Variants in PXDNL observed in about 807,000 individuals in gnomAD.
PXDNL encodes peroxidasin like.
A neutral mutation model predicts 150.8 loss-of-function variants in PXDNL; 145 were observed. The observed-to-expected ratio is 0.96, with a 90% CI of 0.84 to 1.10. PXDNL has a LOEUF of 1.10. Among genes scored for constraint, PXDNL ranks in the 50% least tolerant of loss-of-function variants. The pLI is 0.00. For synonymous variants in PXDNL, 757 were observed against 725.7 expected, an observed-to-expected ratio of 1.04 and a Z score of -0.69; for missense variants, 2,087 against 1,873.9, an observed-to-expected ratio of 1.11 and a Z score of -2.10.
intron 19 of PXDNL, among the ~76,000 whole-genome samples, chr8:51,357,522 C>T (rs1358934847): frequency 6.6e-6 from 1 of 152,234 alleles, no homozygotes; most frequent in Non-Finnish European, 1.5e-5. Flanking sequence ...TCTTCAGATG[C>T]ATTTGCACAT....
chr8:51,605,075 G>T (rs1813812912), intron 2 of PXDNL, among the ~76,000 whole-genome samples: 1 of 152,054 alleles, frequency 6.6e-6, no homozygotes, highest in Admixed American at 6.6e-5. Context: ...TTTATAAATT[G>T]CCCGCGATCA....
chr8:51,378,802 C>T (rs982438485), intron 17 of PXDNL, among the ~76,000 whole-genome samples: 13 of 152,134 alleles, frequency 8.5e-5, no homozygotes, highest in African/African-American at 3.1e-4. Flanking sequence ...CAGCTTCACT[C>T]CTGAAGCCAG....
At chr8:51,615,475 C>T (rs1814112032) in intron 2 of PXDNL, among the ~76,000 whole-genome samples, 1 of 151,990 alleles carries the variant, frequency 6.6e-6, no homozygotes, top group Non-Finnish European at 1.5e-5. Context: ...TTAATCAAAG[C>T]AAAATTAATT....
At chr8:51,423,514 G>A in intron 14 of PXDNL, 61 bp downstream of exon 14, 1 of 1,412,152 alleles carries the variant, frequency 7.1e-7, no homozygotes, top group Non-Finnish European at 9.7e-7. Context: ...AAATAGGATT[G>A]GGGTAGAAGC....
At chr8:51,343,981 C>T (rs1365488912) in intron 20 of PXDNL, among the ~76,000 whole-genome samples, 1 of 152,170 alleles carries the variant, frequency 6.6e-6, no homozygotes, top group Non-Finnish European at 1.5e-5. Flanking sequence ...CATTTCCTCA[C>T]CCTGGAATTT....
rs376276045 is a variant in PXDNL at position 51,394,491 on chromosome 8, C to G, written c.3557+13576G>C. ...AAACTCATCAAAGAATATCCTTCTT[C>G]AATCGTGCTTTGATTCTGTAACAGT... is the stretch of plus-strand genomic sequence containing the variant. On this transcript the variant is annotated intron_variant, in intron 17 of 22. Coordinates refer to ENST00000356297, the MANE Select transcript of PXDNL (RefSeq NM_144651.5). Among the ~76,000 whole-genome samples the G allele has an allele frequency of 6.2e-4, 95 of 152,300 alleles. 1 individual carries two copies. In the South Asian group the frequency reaches 0.019, roughly 31 times the overall value.
chr8:51,644,236 T>C (rs971202062), intron 2 of PXDNL, among the ~76,000 whole-genome samples: 1 of 143,740 alleles, frequency 7.0e-6, no homozygotes, highest in Admixed American at 7.0e-5. Flanking sequence ...GAACTAAAAG[T>C]GAAGGAGACA....
chr8:51,777,684 C>T (rs1240513739), intron 1 of PXDNL, among the ~76,000 whole-genome samples: 4 of 152,138 alleles, frequency 2.6e-5, no homozygotes, highest in Non-Finnish European at 5.9e-5. Context: ...GGGCAGATCA[C>T]CTGAGGTCAG....
intron 20 of PXDNL, among the ~76,000 whole-genome samples, chr8:51,344,998 C>G (rs570728348): frequency 6.6e-6 from 1 of 152,226 alleles, no homozygotes; most frequent in South Asian, 2.1e-4. Flanking sequence ...ATATATTGTT[C>G]AAGTTGACAA....
intron 6 of PXDNL, among the ~76,000 whole-genome samples, chr8:51,477,439 A>T (rs934519086): frequency 6.6e-6 from 1 of 152,196 alleles, no homozygotes; most frequent in Non-Finnish European, 1.5e-5. Flanking sequence ...ATAAAAGTCA[A>T]CTAGCCCTTG....
chr8:51,615,297 G>A (rs1814107775), intron 2 of PXDNL, among the ~76,000 whole-genome samples: 1 of 151,134 alleles, frequency 6.6e-6, no homozygotes. Flanking sequence ...CTAAGAAGCT[G>A]ACTTGTTTTT....
chr8:51,685,213 C>A (rs1440257086), intron 1 of PXDNL, among the ~76,000 whole-genome samples: 1 of 152,150 alleles, frequency 6.6e-6, no homozygotes, highest in African/African-American at 2.4e-5. Flanking sequence ...GTGTAGAATG[C>A]AGGTGAGTTC....
intron 17 of PXDNL, among the ~76,000 whole-genome samples, chr8:51,387,856 T>C (rs1807768124): frequency 6.6e-6 from 1 of 151,622 alleles, no homozygotes; most frequent in African/African-American, 2.4e-5. Context: ...ATGCCCTATA[T>C]TGATACTAAC....
chr8:51,663,209 A>C (rs1815311360), intron 1 of PXDNL, among the ~76,000 whole-genome samples: 1 of 152,186 alleles, frequency 6.6e-6, no homozygotes, highest in Non-Finnish European at 1.5e-5. Flanking sequence ...CACAGCAGGC[A>C]CTGCCTCCAT....
At chr8:51,562,716 C>G (rs1380157979) in intron 3 of PXDNL, among the ~76,000 whole-genome samples, 1 of 151,808 alleles carries the variant, frequency 6.6e-6, no homozygotes, top group African/African-American at 2.4e-5. Flanking sequence ...GAGTCTGTAC[C>G]CTCATTTCCT....
intron 12 of PXDNL, among the ~76,000 whole-genome samples, chr8:51,430,695 T>G (rs113862145): frequency 2.0e-5 from 3 of 152,194 alleles, no homozygotes; most frequent in African/African-American, 7.2e-5. Context: ...CAAATTCCTT[T>G]GCAAAGAACT....
At chr8:51,765,373 C>T (rs183025815) in intron 1 of PXDNL, among the ~76,000 whole-genome samples, 1 of 152,166 alleles carries the variant, frequency 6.6e-6, no homozygotes, top group Admixed American at 6.5e-5. Context: ...CACCTTCTGA[C>T]ATGATTATGA....
intron 2 of PXDNL, among the ~76,000 whole-genome samples, chr8:51,598,331 C>G (rs956121607): frequency 6.6e-6 from 1 of 152,054 alleles, no homozygotes; most frequent in Non-Finnish European, 1.5e-5. Context: ...GGGAATGCTT[C>G]CAATTTTTGC....
At chr8:51,414,969 G>A (rs1005650340) in intron 14 of PXDNL, among the ~76,000 whole-genome samples, 2 of 152,194 alleles carry the variant, frequency 1.3e-5, no homozygotes, top group African/African-American at 4.8e-5. Context: ...AATTTTGACA[G>A]GAGTGAGAGT....
Sources: gnomAD v4.1 joint callset for allele counts (sites outside exome capture counted in the v4.1 genomes callset) on GRCh38, gnomAD v4.1.1 for gene constraint, MANE v1.5 for transcripts, NCBI Gene and HGNC (gene_info 2026-07-23, HGNC 2026-07-21) for gene names.